The following CLSTN2 variants were observed in gnomAD, a reference collection of about 807,000 sequenced individuals.
CLSTN2 encodes the protein calsyntenin-2.
Under a neutral mutation model 101.2 loss-of-function variants are expected in CLSTN2, and 48 were observed. That is an observed-to-expected ratio of 0.47 (90% CI 0.38 to 0.60). CLSTN2 has a LOEUF of 0.60. Among genes scored for constraint, CLSTN2 ranks in the 20% least tolerant of loss-of-function variants. The pLI, the probability that CLSTN2 is intolerant of heterozygous loss-of-function variation, is 0.00. For synonymous variants in CLSTN2, 481 were observed against 463.6 expected (o/e 1.04, Z -0.48); for missense variants, 1,160 against 1,238.2 (o/e 0.94, Z 0.95).
intron 1 of CLSTN2, among the ~76,000 whole-genome samples, chr3:139,949,055 T>C (rs1436925328): frequency 2.0e-5 from 3 of 152,152 alleles, no homozygotes; most frequent in Non-Finnish European, 2.9e-5. Context: ...TCTCCTCCTA[T>C]GCTTTGTCCT....
At chr3:140,234,187 C>A (rs1017803969) in intron 2 of CLSTN2, among the ~76,000 whole-genome samples, 2 of 152,182 alleles carry the variant, frequency 1.3e-5, no homozygotes, top group African/African-American at 4.8e-5. Flanking sequence ...AAAGGCATTT[C>A]TAATACCTTT....
chr3:140,080,778 G>A (rs774723432), intron 1 of CLSTN2, among the ~76,000 whole-genome samples: 2 of 152,182 alleles, frequency 1.3e-5, no homozygotes, highest in Non-Finnish European at 2.9e-5. Context: ...ACTCCTGGGG[G>A]CTGGAGCTCT....
chr3:139,984,969 T>C (rs1420869577), intron 1 of CLSTN2, among the ~76,000 whole-genome samples: 2 of 152,206 alleles, frequency 1.3e-5, no homozygotes, highest in Non-Finnish European at 2.9e-5. Context: ...TCTTTACTTA[T>C]TACTTGCAAT....
intron 1 of CLSTN2, among the ~76,000 whole-genome samples, chr3:140,149,247 G>C (rs2009825961): frequency 6.6e-6 from 1 of 152,094 alleles, no homozygotes; most frequent in African/African-American, 2.4e-5. Flanking sequence ...TCCTACAGGG[G>C]TGTCAGCATG....
intron 1 of CLSTN2, among the ~76,000 whole-genome samples, chr3:139,984,926 T>C (rs1935996397): frequency 6.6e-6 from 1 of 152,196 alleles, no homozygotes; most frequent in African/African-American, 2.4e-5. Context: ...CCTTTTTGTA[T>C]CTATACCACA....
intron 2 of CLSTN2, among the ~76,000 whole-genome samples, chr3:140,201,364 G>A (rs2010715889): frequency 6.6e-6 from 1 of 152,146 alleles, no homozygotes; most frequent in South Asian, 2.1e-4. Context: ...GGTAGCAGCT[G>A]TGCAGTCACT....
chr3:140,094,548 C>T (rs1283720841), intron 1 of CLSTN2, among the ~76,000 whole-genome samples: 1 of 151,924 alleles, frequency 6.6e-6, no homozygotes, highest in African/African-American at 2.4e-5. Flanking sequence ...TCAAATGGTA[C>T]AGGAACCTCT....
At chr3:140,292,565 T>A (rs1443481481) in intron 2 of CLSTN2, among the ~76,000 whole-genome samples, 2 of 152,186 alleles carry the variant, frequency 1.3e-5, no homozygotes, top group African/African-American at 4.8e-5. Flanking sequence ...AATCTCTAGT[T>A]ACCCCAGCAC....
At chr3:139,972,292 G>A (rs1935721046) in intron 1 of CLSTN2, among the ~76,000 whole-genome samples, 1 of 152,042 alleles carries the variant, frequency 6.6e-6, no homozygotes, top group Non-Finnish European at 1.5e-5. Context: ...TAGGACCCTG[G>A]GGGGTGTGGG....
At chr3:140,219,608 T>C (rs2086248704) in intron 2 of CLSTN2, among the ~76,000 whole-genome samples, 1 of 152,296 alleles carries the variant, frequency 6.6e-6, no homozygotes, top group Middle Eastern at 3.4e-3. Flanking sequence ...GTAAATACAG[T>C]GGGAGGCCTC....
chr3:140,063,268 C>T lies in CLSTN2; in HGVS notation c.110-112683C>T, dbSNP rs193294585. 2.9e-5 allele frequency among the ~76,000 whole-genome samples: 4 copies of T among 138,394 alleles called. No homozygotes were observed. The East Asian group carries it at 8.2e-4, about 28-fold the overall frequency. 90.8% of individuals were successfully genotyped at this position (138,394 alleles called of 152,430 possible). On this transcript the variant is annotated intron_variant, in intron 1 of 16. Transcript: ENST00000458420. ...AGTGTTTCCCACCTAAATTTTAGTA[C>T]CCCCTGAATTCTACCCAGGAACTCC... is the stretch of plus-strand genomic sequence containing the variant.
chr3:140,424,635 G>C (rs200120097), intron 5 of CLSTN2, among the ~76,000 whole-genome samples: 9 of 152,186 alleles, frequency 5.9e-5, no homozygotes, highest in African/African-American at 1.4e-4. Context: ...TTACTGGCTT[G>C]CTTGTTACTT....
intron 8 of CLSTN2, among the ~76,000 whole-genome samples, chr3:140,491,944 A>G (rs963415095): frequency 1.3e-5 from 2 of 152,194 alleles, no homozygotes; most frequent in African/African-American, 4.8e-5. Context: ...CCTGGCAGGC[A>G]TTTCTGTGGA....
At chr3:140,286,088 C>T (rs1468680450) in intron 2 of CLSTN2, among the ~76,000 whole-genome samples, 1 of 152,072 alleles carries the variant, frequency 6.6e-6, no homozygotes, top group African/African-American at 2.4e-5. Flanking sequence ...TCCAGATGGC[C>T]CCTGGAGCAA....
chr3:140,527,828 A>G (rs1935175777), intron 8 of CLSTN2, among the ~76,000 whole-genome samples: 1 of 152,296 alleles, frequency 6.6e-6, no homozygotes, highest in African/African-American at 2.4e-5. Flanking sequence ...AAGAAAACCA[A>G]ATACCGTATT....
At chr3:140,558,239 G>T (rs972541863) in intron 11 of CLSTN2, among the ~76,000 whole-genome samples, 3 of 152,238 alleles carry the variant, frequency 2.0e-5, no homozygotes, top group Admixed American at 2.0e-4. Flanking sequence ...GCAGAGGCAG[G>T]AGAGTTTAGC....
At chr3:140,156,491 T>C (rs2009955955) in intron 1 of CLSTN2, among the ~76,000 whole-genome samples, 1 of 152,214 alleles carries the variant, frequency 6.6e-6, no homozygotes, top group East Asian at 1.9e-4. Flanking sequence ...AGGCATTCTA[T>C]ATGGCAGCTC....
At chr3:139,970,727 A>G (rs1465192904) in intron 1 of CLSTN2, among the ~76,000 whole-genome samples, 1 of 152,194 alleles carries the variant, frequency 6.6e-6, no homozygotes. Flanking sequence ...ATCCATTGAG[A>G]TGGAGCTGAC....
chr3:140,149,595 A>G (rs575928371), intron 1 of CLSTN2, among the ~76,000 whole-genome samples: 55 of 152,076 alleles, frequency 3.6e-4, no homozygotes, highest in Admixed American at 1.4e-3. Flanking sequence ...AGCTGGGACT[A>G]CAGGCATGCT....
Sources: allele counts gnomAD v4.1 joint callset (sites outside exome capture counted in the v4.1 genomes callset), GRCh38; gene constraint gnomAD v4.1.1; transcripts MANE v1.5; gene names NCBI Gene and HGNC (gene_info 2026-07-23, HGNC 2026-07-21).